The following MSRA variants were observed in gnomAD, a reference collection of about 807,000 sequenced individuals.
The protein encoded by MSRA is mitochondrial peptide methionine sulfoxide reductase.
In MSRA, 54 loss-of-function variants were observed where a neutral mutation model predicts 31.3. The observed-to-expected ratio is 1.73, with a 90% CI of 1.39 to 2.17. The LOEUF is 2.17. MSRA is among the 30% of genes most tolerant of loss of function. The probability of loss-of-function intolerance (pLI) is 0.00; values close to 1 mark genes in which losing one functional copy is unlikely to be tolerated. For synonymous variants in MSRA, 169 were observed against 116.5 expected, an observed-to-expected ratio of 1.45 and a Z score of -2.90; for missense variants, 507 against 300.9, an observed-to-expected ratio of 1.69 and a Z score of -5.07.
chr8:10,057,385 T>C (rs1248784101), intron 1 of MSRA, among the ~76,000 whole-genome samples: 1 of 152,190 alleles, frequency 6.6e-6, no homozygotes, highest in African/African-American at 2.4e-5. Context: ...TGTTGAAGTG[T>C]ATTGGTATTG....
At chr8:10,066,442 G>C (rs1381464855) in intron 1 of MSRA, among the ~76,000 whole-genome samples, 1 of 152,028 alleles carries the variant, frequency 6.6e-6, no homozygotes, top group African/African-American at 2.4e-5. Context: ...CACAATTGTT[G>C]GTTTTTTATA....
intron 1 of MSRA, among the ~76,000 whole-genome samples, chr8:10,147,806 G>A (rs1454678893): frequency 6.6e-6 from 1 of 152,218 alleles, no homozygotes; most frequent in Non-Finnish European, 1.5e-5. Context: ...GGGGCTCGGA[G>A]ACAGGTCACC....
chr8:10,382,277 G>A (rs887105698), intron 5 of MSRA, among the ~76,000 whole-genome samples: 2 of 152,178 alleles, frequency 1.3e-5, no homozygotes, highest in Non-Finnish European at 2.9e-5. Flanking sequence ...CTTCAGGCTT[G>A]AAGATGGCCC....
At chr8:10,402,245 G>T (rs1296594690) in intron 5 of MSRA, among the ~76,000 whole-genome samples, 1 of 152,182 alleles carries the variant, frequency 6.6e-6, no homozygotes, top group Non-Finnish European at 1.5e-5. Context: ...TGAAGGTATT[G>T]CTCCCAAACT....
At chr8:10,390,307 A>G (rs1806660846) in intron 5 of MSRA, among the ~76,000 whole-genome samples, 1 of 152,176 alleles carries the variant, frequency 6.6e-6, no homozygotes. Context: ...TTCCTGTGCG[A>G]AATGGGCAGC....
chr8:10,279,510 A>AC (rs1450703649), intron 3 of MSRA, among the ~76,000 whole-genome samples: 5 of 151,652 alleles, frequency 3.3e-5, no homozygotes. Context: ...CTCCCACCCT[A>AC]CCCCCCACAC....
At chr8:10,184,565 T>C (rs148331447) in intron 1 of MSRA, among the ~76,000 whole-genome samples, 128 of 152,266 alleles carry the variant, frequency 8.4e-4, no homozygotes, top group African/African-American at 2.9e-3. Context: ...CCCTGATCGG[T>C]TTTTTTAGAA....
intron 3 of MSRA, among the ~76,000 whole-genome samples, chr8:10,289,163 C>A (rs1397556642): frequency 1.3e-5 from 2 of 151,874 alleles, no homozygotes; most frequent in African/African-American, 4.8e-5. Flanking sequence ...TTACAGGTGC[C>A]CGCCACCATG....
At chr8:10,145,767 C>A (rs1803089315) in intron 1 of MSRA, among the ~76,000 whole-genome samples, 1 of 152,150 alleles carries the variant, frequency 6.6e-6, no homozygotes, top group Non-Finnish European at 1.5e-5. Flanking sequence ...TGGCTCACTG[C>A]AGTGAAAATT....
At chr8:10,212,981 T>A (rs1809640562) in intron 2 of MSRA, among the ~76,000 whole-genome samples, 1 of 152,172 alleles carries the variant, frequency 6.6e-6, no homozygotes, top group African/African-American at 2.4e-5. Context: ...TATGTAATAA[T>A]CACATCATGG....
chr8:10,135,445 G>A (rs987113999), intron 1 of MSRA, among the ~76,000 whole-genome samples: 5 of 152,188 alleles, frequency 3.3e-5, no homozygotes, highest in African/African-American at 1.2e-4. Flanking sequence ...TTATTGTGCT[G>A]AAAAACAGTG....
intron 1 of MSRA, among the ~76,000 whole-genome samples, chr8:10,070,796 C>G (rs1797695182): frequency 6.6e-6 from 1 of 152,192 alleles, no homozygotes; most frequent in African/African-American, 2.4e-5. Flanking sequence ...CAGCACAATT[C>G]CCTGAGATTC....
intron 1 of MSRA, among the ~76,000 whole-genome samples, chr8:10,106,750 T>G (rs557042256): frequency 6.6e-6 from 1 of 152,314 alleles, no homozygotes; most frequent in South Asian, 2.1e-4. Context: ...GTTGGTGCTT[T>G]TATGGTAGCC....
intron 4 of MSRA, among the ~76,000 whole-genome samples, chr8:10,313,361 T>G (rs1801539968): frequency 6.6e-6 from 1 of 152,130 alleles, no homozygotes; most frequent in African/African-American, 2.4e-5. Flanking sequence ...ATTAACTGCT[T>G]TGCATGATTA....
At chr8:10,303,625 C>G (rs1448484232) in intron 4 of MSRA, among the ~76,000 whole-genome samples, 3 of 152,140 alleles carry the variant, frequency 2.0e-5, no homozygotes, top group African/African-American at 7.2e-5. Flanking sequence ...CCTGACTGCC[C>G]CAGGACCCCT....
chr8:10,065,922 G>A (rs1434270039), intron 1 of MSRA, among the ~76,000 whole-genome samples: 3 of 151,704 alleles, frequency 2.0e-5, no homozygotes, highest in Admixed American at 6.6e-5. Flanking sequence ...TACCGTGCCT[G>A]TGCTGAGATA....
intron 1 of MSRA, among the ~76,000 whole-genome samples, chr8:10,164,587 A>C (rs145058471): frequency 2.6e-5 from 4 of 152,246 alleles, no homozygotes; most frequent in African/African-American, 7.2e-5. Flanking sequence ...TTGGGATTAC[A>C]TACTTGTACC....
At chr8:10,419,986 T>C (rs543794798) in intron 5 of MSRA, among the ~76,000 whole-genome samples, 11 of 152,300 alleles carry the variant, frequency 7.2e-5, no homozygotes, top group Middle Eastern at 3.4e-3. Flanking sequence ...GGCTGGAGCA[T>C]AACGAGGTGT....
chr8:10,361,278 C>G (rs1196090679), intron 5 of MSRA, among the ~76,000 whole-genome samples: 1 of 152,192 alleles, frequency 6.6e-6, no homozygotes, highest in Non-Finnish European at 1.5e-5. Context: ...ACTGCCTTAG[C>G]AGTTATGAGT....
Sources: gnomAD v4.1 joint callset for allele counts (sites outside exome capture counted in the v4.1 genomes callset) on GRCh38, gnomAD v4.1.1 for gene constraint, MANE v1.5 for transcripts, NCBI Gene and HGNC (gene_info 2026-07-23, HGNC 2026-07-21) for gene names.